Variants in FANCL observed in about 807,000 individuals in gnomAD.
FANCL encodes the protein E3 ubiquitin-protein ligase FANCL.
Under a neutral mutation model 59.4 loss-of-function variants are expected in FANCL, and 69 were observed. That is an observed-to-expected ratio of 1.16 (90% CI 0.96 to 1.42). The LOEUF is 1.42. FANCL is among the 40% of genes most tolerant of loss of function. FANCL has a pLI of 0.00. For missense variants in FANCL, 519 were observed against 447.2 expected (o/e 1.16, Z -1.45); for synonymous variants, 180 against 147.1 (o/e 1.22, Z -1.62).
chr2:58,177,403 T>G (rs1687446447), intron 7 of FANCL, among the ~76,000 whole-genome samples: 1 of 151,924 alleles, frequency 6.6e-6, no homozygotes, highest in African/African-American at 2.4e-5. Flanking sequence ...AATGATAGAC[T>G]GGATTAAGAA....
chr2:58,166,208 T>C (rs920765814), intron 7 of FANCL, among the ~76,000 whole-genome samples: 2 of 152,180 alleles, frequency 1.3e-5, no homozygotes, highest in African/African-American at 4.8e-5. Context: ...TTAATGTACA[T>C]GATATAGCTA....
chr2:58,160,186 A>G lies in FANCL; in HGVS notation c.1021-7T>C. The G allele has an allele frequency of 1.2e-6, 2 of 1,612,216 alleles. No homozygotes were observed. Among genetic ancestry groups the G allele is most frequent in the Non-Finnish European group, 1.7e-6 (2 of 1,178,510 alleles). On this transcript the variant is annotated splice_polypyrimidine_tract_variant and splice_region_variant and intron_variant, in intron 12 of 13. Transcript: ENST00000233741. ...TTAGTAGTCCTCTCAGCCACTGCAA[A>G]TTTTAAAAGATAAAGGAGAAGCGTC...
At chr2:58,165,168 A>C (rs1433598511) in intron 8 of FANCL, among the ~76,000 whole-genome samples, 1 of 152,174 alleles carries the variant, frequency 6.6e-6, no homozygotes, top group African/African-American at 2.4e-5. Context: ...AGAACATGAT[A>C]ACATTGCACA....
At chr2:58,232,580 ATATT>A (rs925298296) in intron 1 of FANCL, among the ~76,000 whole-genome samples, 59 of 152,222 alleles carry the variant, frequency 3.9e-4, no homozygotes, top group African/African-American at 1.4e-3. Flanking sequence ...AAATGAAAAT[ATATT>A]TAGTTACACA....
At position 58,213,703 on chromosome 2, in the gene FANCL, G is replaced by A. The variant is rs1238102294; in HGVS notation, c.374+8239C>T. On this transcript the variant is annotated intron_variant, in intron 5 of 13. Transcript: ENST00000233741. ...CGCCTGGGCAATACAGCAAAACCTT[G>A]TCTCTTAAAAAAGAAAAAAAAAAAA... The A allele has an allele frequency of 8.1e-5, 11 of 135,946 alleles. No homozygotes were observed. The highest frequency in any genetic ancestry group is 1.7e-4 in the Non-Finnish European group (11 of 64,934). 8.4% of individuals were successfully genotyped at this position (135,946 alleles called of 1,614,324 possible).
At chr2:58,169,109 G>C (rs1023668882) in intron 7 of FANCL, among the ~76,000 whole-genome samples, 1 of 152,190 alleles carries the variant, frequency 6.6e-6, no homozygotes, top group African/African-American at 2.4e-5. Flanking sequence ...CTAAGGGACA[G>C]ACTGCCTCCT....
chr2:58,186,766 C>G (rs554576691), intron 7 of FANCL, among the ~76,000 whole-genome samples: 10 of 152,196 alleles, frequency 6.6e-5, no homozygotes, highest in Non-Finnish European at 1.0e-4. Context: ...AGTAAAGTGG[C>G]GGAACCGCAG....
intron 1 of FANCL, among the ~76,000 whole-genome samples, chr2:58,240,746 T>G (rs982076125): frequency 6.6e-6 from 1 of 152,190 alleles, no homozygotes; most frequent in South Asian, 2.1e-4. Context: ...TACAGGTACA[T>G]ACGACTTGGC....
At chr2:58,215,137 T>A (rs1314348682) in intron 5 of FANCL, among the ~76,000 whole-genome samples, 1 of 152,214 alleles carries the variant, frequency 6.6e-6, no homozygotes, top group Non-Finnish European at 1.5e-5. Context: ...AAATAATATT[T>A]CTTTATTCCA....
intron 5 of FANCL, among the ~76,000 whole-genome samples, chr2:58,220,393 A>G (rs1309476195): frequency 7.3e-6 from 1 of 136,716 alleles, no homozygotes; most frequent in African/African-American, 2.7e-5. Flanking sequence ...TTAAAACAAA[A>G]GGGAAAAAAT....
chr2:58,226,646 A>C (rs1693028817), intron 4 of FANCL, 82 bp downstream of exon 4: 1 of 973,408 alleles, frequency 1.0e-6, no homozygotes, highest in African/African-American at 1.6e-5. Context: ...AATTCTAATA[A>C]TGTCAGTTTT....
chr2:58,200,234 A>G (rs1689862912), intron 6 of FANCL, among the ~76,000 whole-genome samples: 1 of 152,098 alleles, frequency 6.6e-6, no homozygotes, highest in African/African-American at 2.4e-5. Context: ...TTTGTATGCC[A>G]TATTTAAAAA....
intron 5 of FANCL, chr2:58,213,512 A>C (rs530925558): frequency 1.3e-5 from 2 of 152,338 alleles, no homozygotes; most frequent in South Asian, 2.1e-4. Context: ...TCTTCTGCTA[A>C]AACATTCTTT....
At chr2:58,170,766 A>G (rs1315405285) in intron 7 of FANCL, among the ~76,000 whole-genome samples, 3 of 152,192 alleles carry the variant, frequency 2.0e-5, no homozygotes, top group African/African-American at 7.2e-5. Flanking sequence ...AAAGATCAAA[A>G]GAGACAAAGA....
rs928389010 is a variant in FANCL, at chr2:58,198,444, C to A, written c.540+150G>T. Reference sequence around the variant, plus strand: ...CAGAAGAGTGTGCACAGGCTATAAACAAAGTCCCATTTATATAAGAGATTT... The same window carrying A: ...CAGAAGAGTGTGCACAGGCTATAAAAAAAGTCCCATTTATATAAGAGATTT... On this transcript the variant is annotated intron_variant, in intron 7 of 13. Coordinates refer to ENST00000233741, the MANE Select transcript of FANCL (RefSeq NM_018062.4). 5.9e-5 allele frequency: 38 copies of A among 644,176 alleles called. 1 individual carries two copies. In the South Asian group the frequency reaches 7.5e-4, roughly 13 times the overall value. 39.9% of individuals were successfully genotyped at this position (644,176 alleles called of 1,614,324 possible).
At chr2:58,214,521 T>C (rs1228436798) in intron 5 of FANCL, among the ~76,000 whole-genome samples, 1 of 152,168 alleles carries the variant, frequency 6.6e-6, no homozygotes, top group African/African-American at 2.4e-5. Flanking sequence ...TTATTGTTGT[T>C]GCTCTTGTTG....
chr2:58,201,610 C>T (rs1422602448), intron 6 of FANCL, among the ~76,000 whole-genome samples: 1 of 151,938 alleles, frequency 6.6e-6, no homozygotes, highest in Non-Finnish European at 1.5e-5. Flanking sequence ...TCTTGATTGA[C>T]CAAAGCTGAG....
chr2:58,206,881 C>T (rs1355889001), intron 5 of FANCL, among the ~76,000 whole-genome samples: 3 of 152,144 alleles, frequency 2.0e-5, no homozygotes, highest in Non-Finnish European at 4.4e-5. Context: ...TTGTTTGGGG[C>T]ACAGAAAGAA....
At chr2:58,178,083 T>C (rs921210480) in intron 7 of FANCL, among the ~76,000 whole-genome samples, 2 of 152,088 alleles carry the variant, frequency 1.3e-5, no homozygotes, top group South Asian at 2.1e-4. Context: ...ACTTCTGAAA[T>C]TGAGGCAGTA....
Sources: gnomAD v4.1 joint callset for allele counts (sites outside exome capture counted in the v4.1 genomes callset) on GRCh38, gnomAD v4.1.1 for gene constraint, MANE v1.5 for transcripts, NCBI Gene and HGNC (gene_info 2026-07-23, HGNC 2026-07-21) for gene names.